Variants in DTX2 observed in about 807,000 individuals in gnomAD.
DTX2 encodes probable E3 ubiquitin-protein ligase DTX2.
A neutral mutation model predicts 55.3 loss-of-function variants in DTX2; 29 were observed. That is an observed-to-expected ratio of 0.52 (90% confidence interval 0.39 to 0.71). The LOEUF is 0.71. DTX2 is among the 30% of genes least tolerant of loss of function. The pLI, the probability that DTX2 is intolerant of heterozygous loss-of-function variation, is 0.00. For synonymous variants in DTX2, 276 were observed against 340.4 expected, an observed-to-expected ratio of 0.81 and a Z score of 2.08; for missense variants, 537 against 822.5, an observed-to-expected ratio of 0.65 and a Z score of 4.25.
At chr7:76,474,193 CT>C (rs1370041539) in intron 2 of DTX2, among the ~76,000 whole-genome samples, 2 of 82,760 alleles carry the variant, frequency 2.4e-5, no homozygotes, top group Admixed American at 1.2e-4. Flanking sequence ...TTTTCTTTTT[CT>C]TTTTCTTTTT....
intron 2 of DTX2, among the ~76,000 whole-genome samples, chr7:76,465,261 A>T (rs1807042448): frequency 6.9e-6 from 1 of 145,540 alleles, no homozygotes; most frequent in African/African-American, 2.7e-5. Context: ...AGACACGCTG[A>T]TGCACATGGG....
At position 76,504,873 on chromosome 7, in the gene DTX2, G is replaced by GC. The variant is rs1303704540; in HGVS notation, c.1641+434dup. ...CGTGGTGTGGGTGTGAAGACAGGGT[G>GC]CCCCCCAGGCCAGCACCAGGGGTAG... On this transcript the variant is annotated intron_variant, in intron 10 of 10. Coordinates refer to ENST00000430490, the MANE Select transcript of DTX2 (RefSeq NM_001102594.3). Among the ~76,000 whole-genome samples, 10 of 152,122 alleles carry GC rather than the reference G, an allele frequency of 6.6e-5. No homozygotes were observed. In the South Asian group the frequency reaches 1.7e-3, roughly 25 times the overall value.
chr7:76,472,675 A>G (rs1185107391), intron 2 of DTX2, among the ~76,000 whole-genome samples: 1 of 150,778 alleles, frequency 6.6e-6, no homozygotes, highest in Non-Finnish European at 1.5e-5. Context: ...TCACTTTAGA[A>G]AATGTGAAAA....
chr7:76,481,950 G>T (rs549579003), intron 3 of DTX2, among the ~76,000 whole-genome samples: 5 of 151,300 alleles, frequency 3.3e-5, no homozygotes, highest in Admixed American at 3.3e-4. Context: ...CTCCTGCCTT[G>T]GCCTCCGAAA....
chr7:76,491,255 CA>C (rs1199716257), intron 4 of DTX2, among the ~76,000 whole-genome samples: 1 of 151,054 alleles, frequency 6.6e-6, no homozygotes, highest in African/African-American at 2.4e-5. Flanking sequence ...CTTGGCCTCC[CA>C]AAGTGCTGAG....
At chr7:76,466,628 A>T (rs1160449724) in intron 2 of DTX2, among the ~76,000 whole-genome samples, 1 of 143,154 alleles carries the variant, frequency 7.0e-6, no homozygotes, top group African/African-American at 2.6e-5. Context: ...TTTCACTCTT[A>T]TTGCCTAGGC....
At chr7:76,491,126 T>C (rs1810378687) in intron 4 of DTX2, among the ~76,000 whole-genome samples, 1 of 148,982 alleles carries the variant, frequency 6.7e-6, no homozygotes, top group Admixed American at 6.8e-5. Flanking sequence ...GCCTCCCAAG[T>C]AGCTGGGATT....
chr7:76,505,457 C>G lies in DTX2; in HGVS notation c.1725C>G (p.Thr575=), dbSNP rs756074116. The G allele has an allele frequency of 1.2e-6, 2 of 1,606,722 alleles. No homozygotes were observed. Among genetic ancestry groups the G allele is most frequent in the Non-Finnish European group, 1.7e-6 (2 of 1,176,864 alleles). The part of the protein sequence containing the change: ...GTSSTTGETD[T]VVWNEIHHKT... ...CCAGCACCACGGGTGAGACGGACACCGTGGTATGGAACGAGATCCACCACA... is the reference window on the plus strand; with the variant it reads ...CCAGCACCACGGGTGAGACGGACACGGTGGTATGGAACGAGATCCACCACA... Residue 575 remains threonine (T), a synonymous_variant, in exon 11 of 11, where the codon ACC becomes ACG. Transcript: ENST00000430490. This position sits in a 1 kb window ranked among gnomAD's most constrained non-coding sequence, Gnocchi z 4.4.
intron 2 of DTX2, among the ~76,000 whole-genome samples, chr7:76,473,248 TC>T (rs1808152780): frequency 1.3e-5 from 2 of 151,926 alleles, no homozygotes; most frequent in Non-Finnish European, 2.9e-5. Flanking sequence ...TAACAAGACA[TC>T]CCCCGTGGGT....
chr7:76,505,746 C>T lies in DTX2; in HGVS notation c.*145C>T. The T allele has an allele frequency of 1.2e-6, 1 of 823,488 alleles. No individual in the cohort carries two copies. Among genetic ancestry groups the T allele is most frequent in the Non-Finnish European group, 1.9e-6 (1 of 526,688 alleles). 51.0% of individuals were successfully genotyped at this position (823,488 alleles called of 1,614,324 possible). On this transcript the variant is annotated 3_prime_UTR_variant, in exon 11 of 11. Transcript: ENST00000430490. The surrounding 1 kb of genome is among the most constrained non-coding windows in gnomAD (Gnocchi z 4.4). ...GCCCCACCTGAAGCCGGGGCTCCCC[C>T]TGCCTGCCTCTCTCTCCTCCTCCCC...
chr7:76,495,490 C>T (rs1810835794), intron 5 of DTX2, among the ~76,000 whole-genome samples: 1 of 152,132 alleles, frequency 6.6e-6, no homozygotes, highest in African/African-American at 2.4e-5. Flanking sequence ...AGCCCTCCTC[C>T]TCTCCAGGCT....
At chr7:76,500,642 G>C (rs1638120) in intron 7 of DTX2, 122 bp downstream of exon 7, 125,790 of 500,458 alleles carry the variant, frequency 0.25, 17,449 homozygotes, top group Middle Eastern at 0.38. Context: ...CCAGGGCCTT[G>C]CTCCAGCCCC....
chr7:76,483,293 G>A lies in DTX2; in HGVS notation c.908+146G>A, dbSNP rs1430263748. 54 of 1,147,138 alleles carry A rather than the reference G, an allele frequency of 4.7e-5. No individual in the cohort carries two copies. The South Asian group carries it at 6.3e-4, about 13-fold the overall frequency. The allele number at this position is 1,147,138 out of a possible 1,614,324, so 71.1% of individuals were successfully genotyped here. On this transcript the variant is annotated intron_variant, in intron 4 of 10. Transcript: ENST00000430490. ...CATTTGCATGTGGCATGTGGGTGCC[G>A]AGGTGCCGTGGCCATCCAGAGCCTA...
chr7:76,482,394 T>C (rs928639143), intron 3 of DTX2, 114 bp from the exon 4 acceptor site: 2 of 1,135,844 alleles, frequency 1.8e-6, no homozygotes, highest in African/African-American at 1.6e-5. Flanking sequence ...GCAGCATGAC[T>C]GTGTACCTAC....
chr7:76,504,917 A>C (rs1812171971), intron 10 of DTX2, among the ~76,000 whole-genome samples: 1 of 152,042 alleles, frequency 6.6e-6, no homozygotes, highest in African/African-American at 2.4e-5. Flanking sequence ...CTGAGCGCCC[A>C]GCGAAGCCAC....
intron 4 of DTX2, among the ~76,000 whole-genome samples, chr7:76,491,649 A>G (rs1584213920): frequency 1.1e-5 from 1 of 87,834 alleles, no homozygotes; most frequent in African/African-American, 5.4e-5. Context: ...TATTTTCTTT[A>G]TTCACAACAG....
intron 2 of DTX2, among the ~76,000 whole-genome samples, chr7:76,476,525 A>T (rs1808560864): frequency 3.3e-5 from 5 of 151,606 alleles, no homozygotes; most frequent in Admixed American, 6.6e-5. Flanking sequence ...AGGCCACTGA[A>T]ACCAGGGAGT....
intron 2 of DTX2, chr7:76,474,498 C>G (rs1002934825): frequency 2.6e-5 from 4 of 152,176 alleles, no homozygotes; most frequent in African/African-American, 9.7e-5. Context: ...TAGCTTTCAT[C>G]TTCTCTCGGG....
At chr7:76,480,191 G>C (rs1244161453) in intron 2 of DTX2, among the ~76,000 whole-genome samples, 3 of 145,668 alleles carry the variant, frequency 2.1e-5, no homozygotes, top group African/African-American at 7.8e-5. Context: ...TATTGTCCCA[G>C]CTGCTCTGGA....
Sources: allele counts gnomAD v4.1 joint callset (sites outside exome capture counted in the v4.1 genomes callset), GRCh38; gene constraint gnomAD v4.1.1; non-coding constraint Gnocchi (gnomAD v3.1); transcripts MANE v1.5; gene names NCBI Gene and HGNC (gene_info 2026-07-23, HGNC 2026-07-21).